MYSM1: variants seen among roughly 807,000 people sequenced by gnomAD.
The protein encoded by MYSM1 is Myb like, SWIRM and MPN domains 1.
Under a neutral mutation model 116.0 loss-of-function variants are expected in MYSM1, and 51 were observed. That is an observed-to-expected ratio of 0.44 (90% CI 0.35 to 0.56). The LOEUF (loss-of-function observed/expected upper bound fraction) is 0.56, where lower values mean the gene tolerates loss of function less well. Among genes scored for constraint, MYSM1 ranks in the 20% least tolerant of loss-of-function variants. MYSM1 has a pLI of 0.00. For missense variants in MYSM1, 900 were observed against 974.9 expected, an observed-to-expected ratio of 0.92 and a Z score of 1.02; for synonymous variants, 313 against 315.2, an observed-to-expected ratio of 0.99 and a Z score of 0.07.
Position 58,692,908 on chromosome 1 carries a change from G to A in MYSM1, c.171C>T (p.Ile57=). 6.2e-7 allele frequency: 1 copy of A among 1,609,016 alleles called. No homozygotes were observed. Among genetic ancestry groups the A allele is most frequent in the Non-Finnish European group, 8.5e-7 (1 of 1,177,818 alleles). The change falls in exon 3 of 20, where the codon ATC becomes ATT. Residue 57 remains isoleucine (I), a synonymous_variant. Coordinates refer to ENST00000472487, the MANE Select transcript of MYSM1 (RefSeq NM_001085487.3). ...CAATAACAGCTCTGTTCTCTTCACT[G>A]ATGGTGTTATCCAAGGTCCAAGGCT... ...GLIPWTLDNT[I]SEENRAVIEK...
intron 17 of MYSM1, among the ~76,000 whole-genome samples, chr1:58,662,451 T>C (rs1003745652): frequency 2.2e-5 from 2 of 90,612 alleles, no homozygotes; most frequent in African/African-American, 8.2e-5. Flanking sequence ...GCTGCCATTA[T>C]TCACCCCCCC....
At position 58,659,118 on chromosome 1, in the gene MYSM1, GC is replaced by G. The variant is rs1644356685; in HGVS notation, c.*878del. The G allele has an allele frequency of 7.7e-6, 1 of 129,956 alleles. No individual in the cohort carries two copies. Among genetic ancestry groups the G allele is most frequent in the Admixed American group, 7.9e-5 (1 of 12,714 alleles). The allele number at this position is 129,956 out of a possible 1,614,324, so 8.1% of individuals were successfully genotyped here. On this transcript the variant is annotated 3_prime_UTR_variant, in exon 20 of 20. Coordinates refer to ENST00000472487, the MANE Select transcript of MYSM1 (RefSeq NM_001085487.3). Reference sequence around the variant, plus strand: ...AGATTCAGAAAGCATATGAAACTGGGCTGAATATGTAACATGTCCTGAAAGG... The same window carrying G: ...AGATTCAGAAAGCATATGAAACTGGGTGAATATGTAACATGTCCTGAAAGG...
Position 58,657,552 on chromosome 1 carries a change from A to C in MYSM1, c.*2445T>G, listed in dbSNP as rs940041943. ...GTTTTAAGAATATGACAAAAGAAAA[A>C]GGAAGCAGGGAAAATGATGGAGGAA... On this transcript the variant is annotated 3_prime_UTR_variant, in exon 20 of 20. Coordinates refer to ENST00000472487, the MANE Select transcript of MYSM1 (RefSeq NM_001085487.3). 1 of 152,168 alleles carries C rather than the reference A, an allele frequency of 6.6e-6. No individual in the cohort carries two copies. The highest frequency in any genetic ancestry group is 2.4e-5 in the African/African-American group (1 of 41,444). The allele number at this position is 152,168 out of a possible 1,614,324, so 9.4% of individuals were successfully genotyped here. A position where few individuals can be genotyped will look rare whatever the true frequency, so the allele number is the denominator to read the frequency against.
rs1644311897 is a variant in MYSM1, at chr1:58,655,759, A to G, written c.*4238T>C. On this transcript the variant is annotated 3_prime_UTR_variant, in exon 20 of 20. Transcript: ENST00000472487. ...AAAACTAATATTAAAGTACTGGTAA[A>G]CTAGAGATGCTGATCAAATTTGTTA... 6.6e-6 allele frequency: 1 copy of G among 152,188 alleles called. No homozygotes were observed. The highest frequency in any genetic ancestry group is 1.5e-5 in the Non-Finnish European group (1 of 68,034). The allele number at this position is 152,188 out of a possible 1,614,324, so 9.4% of individuals were successfully genotyped here.
intron 12 of MYSM1, among the ~76,000 whole-genome samples, chr1:58,670,091 T>C (rs1304838249): frequency 2.6e-5 from 4 of 152,116 alleles, no homozygotes; most frequent in Non-Finnish European, 4.4e-5. Context: ...CAACCATAGA[T>C]GGTTAGCTTC....
intron 16 of MYSM1, among the ~76,000 whole-genome samples, chr1:58,666,526 G>A (rs1385321113): frequency 1.4e-4 from 21 of 145,730 alleles, no homozygotes; most frequent in Non-Finnish European, 2.1e-4. Flanking sequence ...CTTGCAATCA[G>A]AAAAAAAAAT....
chr1:58,672,494 T>C (rs1644578225), intron 11 of MYSM1, among the ~76,000 whole-genome samples: 1 of 152,132 alleles, frequency 6.6e-6, no homozygotes, highest in African/African-American at 2.4e-5. Context: ...GGTATTATTG[T>C]GAAGACTGAG....
In MYSM1 at chr1:58,657,310, C is replaced by T. The variant is rs1644331398; in HGVS notation, c.*2687G>A. Reference sequence around the variant, plus strand: ...CAAAGACAGAATCAGGATGAAGACACCTGCATGTCTTTAAGTCCTTTAGTC... The same window carrying T: ...CAAAGACAGAATCAGGATGAAGACATCTGCATGTCTTTAAGTCCTTTAGTC... On this transcript the variant is annotated 3_prime_UTR_variant, in exon 20 of 20. Transcript: ENST00000472487. 2 of 151,968 alleles carry T rather than the reference C, an allele frequency of 1.3e-5. No homozygotes were observed. The highest frequency in any genetic ancestry group is 2.9e-5 in the Non-Finnish European group (2 of 68,012). The allele number at this position is 151,968 out of a possible 1,614,324, so 9.4% of individuals were successfully genotyped here. A position where few individuals can be genotyped will look rare whatever the true frequency, so the allele number is the denominator to read the frequency against.
At position 58,661,499 on chromosome 1, in the gene MYSM1, T is replaced by C. The variant is rs1028544744; in HGVS notation, c.2177A>G (p.Lys726Arg). Residue 726 changes from lysine (K) to arginine (R), a missense_variant, in exon 18 of 20, where the codon AAA (lysine) becomes AGA (arginine). By Grantham distance (26) the Lys-to-Arg change is conservative. Coordinates refer to ENST00000472487, the MANE Select transcript of MYSM1 (RefSeq NM_001085487.3). ...SPDGSYRLPY[K>R]FEVQQMLEEP... ...TTCTAACATCTGCTGTACTTCAAAT[T>C]TGTAAGGTAAGCCTAGAAAAGCATA... 5 of 1,597,466 alleles carry C rather than the reference T, an allele frequency of 3.1e-6. No individual in the cohort carries two copies. The highest frequency in any genetic ancestry group is 1.7e-4 in the Middle Eastern group (1 of 6,000).
chr1:58,695,871 A>G (rs1644966768), intron 1 of MYSM1, among the ~76,000 whole-genome samples: 1 of 152,186 alleles, frequency 6.6e-6, no homozygotes, highest in African/African-American at 2.4e-5. Flanking sequence ...TTAAAGTTAC[A>G]TTGTTTACCC....
At position 58,682,186 on chromosome 1, in the gene MYSM1, A is replaced by ATC; in HGVS notation, c.856_857dup (p.Asp286GlufsTer27). ...TAATTTCTGAGCTTGAAAGTGTTTC[A>ATC]TCTTGCTTTTCATTTTGAAGACAGC... On this transcript the variant is annotated frameshift_variant, in exon 8 of 20. Coordinates refer to ENST00000472487, the MANE Select transcript of MYSM1 (RefSeq NM_001085487.3). LOFTEE classifies it high-confidence loss of function. 4.3e-6 allele frequency: 7 copies of ATC among 1,612,820 alleles called. No homozygotes were observed. Among genetic ancestry groups the ATC allele is most frequent in the Non-Finnish European group, 5.9e-6 (7 of 1,179,010 alleles).
rs753189664 is a variant in MYSM1, at chr1:58,661,409, T to C, written c.2267A>G (p.His756Arg). 2 of 1,550,684 alleles carry C rather than the reference T, an allele frequency of 1.3e-6. No individual in the cohort carries two copies. The highest frequency in any genetic ancestry group is 1.8e-6 in the Non-Finnish European group (2 of 1,123,100). Residue 756 changes from histidine (H) to arginine (R), a missense_variant, in exon 18 of 20, where the codon CAT becomes CGT. By Grantham distance (29) the His-to-Arg change is conservative. Coordinates refer to ENST00000472487, the MANE Select transcript of MYSM1 (RefSeq NM_001085487.3). ...RWIIEKYRLS[H>R]SSVPMDKIFR... ...CATCTCAAACCACAGTACATACCTA[T>C]GGGAGAGCCTGTATTTTTCTATTAT...
rs1644363280 is a variant in MYSM1, at chr1:58,659,591, A to C, written c.*406T>G. On this transcript the variant is annotated 3_prime_UTR_variant, in exon 20 of 20. Coordinates refer to ENST00000472487, the MANE Select transcript of MYSM1 (RefSeq NM_001085487.3). ...TATAGCCATAAACAAATCTCAGCAGAATATATGGAAAGAATGGAAGTGCTT... is the reference window on the plus strand; with the variant it reads ...TATAGCCATAAACAAATCTCAGCAGCATATATGGAAAGAATGGAAGTGCTT... 1 of 153,206 alleles carries C rather than the reference A, an allele frequency of 6.5e-6. No individual in the cohort carries two copies. 9.5% of individuals were successfully genotyped at this position (153,206 alleles called of 1,614,324 possible).
At chr1:58,684,621 T>C (rs1023650721) in intron 7 of MYSM1, among the ~76,000 whole-genome samples, 4 of 148,526 alleles carry the variant, frequency 2.7e-5, no homozygotes, top group South Asian at 2.2e-4. Flanking sequence ...CATGGTTGCA[T>C]ATAGCACAAA....
intron 1 of MYSM1, 74 bp downstream of exon 1, chr1:58,699,911 G>C: frequency 6.2e-7 from 1 of 1,602,828 alleles, no homozygotes; most frequent in South Asian, 1.1e-5. Context: ...TGCCGGACCT[G>C]CAGCTTTCCC....
chr1:58,677,451 TCTA>T (rs1644671832), intron 8 of MYSM1, among the ~76,000 whole-genome samples: 1 of 152,152 alleles, frequency 6.6e-6, no homozygotes, highest in African/African-American at 2.4e-5. Flanking sequence ...CTTAGATTCA[TCTA>T]CTCTTATTTT....
At chr1:58,664,920 T>C (rs1644445621) in intron 17 of MYSM1, among the ~76,000 whole-genome samples, 1 of 152,204 alleles carries the variant, frequency 6.6e-6, no homozygotes, top group Non-Finnish European at 1.5e-5. Flanking sequence ...ACTCCCTTCC[T>C]TTTCCTAGTC....
At chr1:58,671,615 T>C (rs1053127038) in intron 12 of MYSM1, among the ~76,000 whole-genome samples, 1 of 152,180 alleles carries the variant, frequency 6.6e-6, no homozygotes, top group Non-Finnish European at 1.5e-5. Flanking sequence ...TAGAGTTGAA[T>C]GACCAACCTG....
chr1:58,696,579 T>C (rs1233493511), intron 1 of MYSM1, among the ~76,000 whole-genome samples: 1 of 152,232 alleles, frequency 6.6e-6, no homozygotes, highest in Non-Finnish European at 1.5e-5. Flanking sequence ...GTCCTTCCAG[T>C]ATTTTCATAC....
Sources: allele counts gnomAD v4.1 joint callset (sites outside exome capture counted in the v4.1 genomes callset), GRCh38; gene constraint gnomAD v4.1.1; transcripts MANE v1.5; gene names NCBI Gene and HGNC (gene_info 2026-07-23, HGNC 2026-07-21).